The following TP53BP2 variants were observed in gnomAD, a reference collection of about 807,000 sequenced individuals.
TP53BP2 encodes apoptosis-stimulating of p53 protein 2.
Under a neutral mutation model 126.2 loss-of-function variants are expected in TP53BP2, and 62 were observed. The ratio of observed to expected loss-of-function variants is 0.49; its 90% CI spans 0.40 to 0.61. The LOEUF is 0.61. Among genes scored for constraint, TP53BP2 ranks in the 20% least tolerant of loss-of-function variants. The probability of loss-of-function intolerance (pLI) is 0.00; values close to 1 mark genes in which losing one functional copy is unlikely to be tolerated. For missense variants in TP53BP2, 1,215 were observed against 1,402.8 expected (o/e 0.87, Z 2.14); for synonymous variants, 485 against 502.9 (o/e 0.96, Z 0.48).
rs780705383 is a variant in TP53BP2, at chr1:223,802,122, T to C, written c.1219A>G (p.Thr407Ala). The change falls in exon 9 of 18, where the codon ACT (threonine) becomes GCT (alanine). Residue 407 changes from threonine (T) to alanine (A), a missense_variant. Around this residue, in one of 4 missense-constraint regions of TP53BP2, gnomAD observed 814 missense variants for 853.0 expected, o/e 0.95. Transcript: ENST00000343537. Reference protein sequence around the residue: ...PNMRSGAASQTKGSKIHPVGP... With the variant: ...PNMRSGAASQAKGSKIHPVGP... ...GCTGTGCAGGACTTTTTACCTTTAG[T>C]TTGTGAAGCAGCCCCAGATCTCATG... 8.1e-6 allele frequency: 13 copies of C among 1,613,970 alleles called. No homozygotes were observed. The Admixed American group carries it at 1.3e-4, about 17-fold the overall frequency.
Position 223,831,466 on chromosome 1 carries a change from T to TAAA in TP53BP2, c.28-10102_28-10100dup, listed in dbSNP as rs1157082703. 8.6e-3 allele frequency among the ~76,000 whole-genome samples: 373 copies of TAAA among 43,552 alleles called. 14 individuals carry two copies. Among genetic ancestry groups the TAAA allele is most frequent in the East Asian group, 0.015 (20 of 1,292 alleles). 28.6% of individuals were successfully genotyped at this position (43,552 alleles called of 152,430 possible). A position where few individuals can be genotyped will look rare whatever the true frequency, so the allele number is the denominator to read the frequency against. On this transcript the variant is annotated intron_variant, in intron 1 of 17. Transcript: ENST00000343537. ...CACATGCACACACATATGTACCATC[T>TAAA]AAAAAAAAAAAAAAATATATATATA...
chr1:223,805,884 T>C (rs1245482817), intron 5 of TP53BP2, among the ~76,000 whole-genome samples: 3 of 152,224 alleles, frequency 2.0e-5, no homozygotes, highest in Admixed American at 2.0e-4. Context: ...ACCTGAGTAG[T>C]TGCAACAGAG....
At chr1:223,792,787 C>T (rs115545451) in intron 14 of TP53BP2, among the ~76,000 whole-genome samples, 1,576 of 150,884 alleles carry the variant, frequency 0.01, 36 homozygotes, top group African/African-American at 0.037. Flanking sequence ...TCCTTATAGT[C>T]ATTTTTGTTT....
intron 3 of TP53BP2, among the ~76,000 whole-genome samples, chr1:223,811,945 T>C (rs1662921540): frequency 1.3e-5 from 2 of 151,440 alleles, no homozygotes; most frequent in Non-Finnish European, 2.9e-5. Context: ...ATTTATCCAG[T>C]ACTATACAGC....
Position 223,786,606 on chromosome 1 carries a change from GTA to G in TP53BP2, c.3164-2294_3164-2293del, listed in dbSNP as rs1553258007. 7.3e-3 allele frequency among the ~76,000 whole-genome samples: 1,092 copies of G among 150,286 alleles called. 16 individuals are homozygous for G. Among genetic ancestry groups the G allele is most frequent in the Middle Eastern group, 0.021 (6 of 290 alleles). On this transcript the variant is annotated intron_variant, in intron 16 of 17. Transcript: ENST00000343537. The stretch of plus-strand genomic sequence containing the variant: ...CGTGTGTGTGTGTGTGTGTGTGTGT[GTA>G]TATTTTTTTTTCCCCCGAGATGGAG...
At chr1:223,829,072 A>T (rs6658954) in intron 1 of TP53BP2, among the ~76,000 whole-genome samples, 14,506 of 152,148 alleles carry the variant, frequency 0.095, 758 homozygotes, top group African/African-American at 0.14. Flanking sequence ...CACACCTATA[A>T]TCCCAGCACT....
At chr1:223,839,633 AG>A (rs1664040715) in intron 1 of TP53BP2, among the ~76,000 whole-genome samples, 2 of 152,240 alleles carry the variant, frequency 1.3e-5, no homozygotes, top group African/African-American at 4.8e-5. Context: ...ATCTGTATCC[AG>A]AAAAACAACT....
At chr1:223,810,332 CT>C in intron 4 of TP53BP2, 98 bp downstream of exon 4, 1 of 863,966 alleles carries the variant, frequency 1.2e-6, no homozygotes, top group Non-Finnish European at 1.7e-6. Flanking sequence ...AGCGGCCATC[CT>C]TAGCCCATTG....
rs541485072 is a variant in TP53BP2 at position 223,789,297 on chromosome 1, A to G, written c.2997-123T>C. On this transcript the variant is annotated intron_variant, in intron 15 of 17. Coordinates refer to ENST00000343537, the MANE Select transcript of TP53BP2 (RefSeq NM_001031685.3). ...CCAAGTTTTCTTCTGAAAACCTCTT[A>G]AACAGTTTTTTAAAAACCAGTTCAA... 3 of 1,145,576 alleles carry G rather than the reference A, an allele frequency of 2.6e-6. No individual in the cohort carries two copies. In the Admixed American group the frequency reaches 7.6e-5, roughly 29 times the overall value. 71.0% of individuals were successfully genotyped at this position (1,145,576 alleles called of 1,614,324 possible). A position where few individuals can be genotyped will look rare whatever the true frequency, so the allele number is the denominator to read the frequency against.
intron 1 of TP53BP2, among the ~76,000 whole-genome samples, chr1:223,821,784 G>GT (rs1394849003): frequency 6.6e-6 from 1 of 152,190 alleles, no homozygotes; most frequent in Non-Finnish European, 1.5e-5. Context: ...ACGTAAGAAT[G>GT]TAACACGCTG....
intron 13 of TP53BP2, among the ~76,000 whole-genome samples, 162 bp from the exon 14 acceptor site, chr1:223,793,602 C>T (rs1236084330): frequency 1.3e-5 from 2 of 152,146 alleles, no homozygotes; most frequent in Non-Finnish European, 2.9e-5. Context: ...GAAAAGTATA[C>T]GAATCTGACA....
intron 10 of TP53BP2, 111 bp from the exon 11 acceptor site, chr1:223,800,158 C>A: frequency 2.2e-5 from 25 of 1,144,514 alleles, no homozygotes; most frequent in Non-Finnish European, 2.8e-5. Flanking sequence ...CCACAAAGCA[C>A]GTTCCTATTT....
intron 1 of TP53BP2, among the ~76,000 whole-genome samples, chr1:223,831,832 C>T (rs982597667): frequency 1.3e-5 from 2 of 149,962 alleles, no homozygotes; most frequent in Non-Finnish European, 3.0e-5. Context: ...TAATTCATGT[C>T]AGTCATATCT....
chr1:223,789,598 A>G (rs888380135), intron 15 of TP53BP2, among the ~76,000 whole-genome samples: 6 of 152,222 alleles, frequency 3.9e-5, no homozygotes, highest in African/African-American at 9.6e-5. Context: ...TGGCCTTTAA[A>G]TATCTATTTA....
At chr1:223,827,521 G>T (rs1366911571) in intron 1 of TP53BP2, among the ~76,000 whole-genome samples, 3 of 152,242 alleles carry the variant, frequency 2.0e-5, no homozygotes, top group Non-Finnish European at 4.4e-5. Context: ...GCACAGTACA[G>T]ACAACTAGTT....
chr1:223,800,271 T>C (rs1304133927), intron 10 of TP53BP2, among the ~76,000 whole-genome samples: 9 of 152,152 alleles, frequency 5.9e-5, no homozygotes, highest in Admixed American at 5.9e-4. Flanking sequence ...TTAAATATTG[T>C]CCCTATTGTT....
intron 1 of TP53BP2, among the ~76,000 whole-genome samples, chr1:223,827,974 A>G (rs918253569): frequency 6.6e-6 from 1 of 152,294 alleles, no homozygotes; most frequent in Admixed American, 6.5e-5. Flanking sequence ...TTTTCTGTCT[A>G]ATAAAAAAAT....
At chr1:223,810,942 C>T (rs190114457) in intron 3 of TP53BP2, among the ~76,000 whole-genome samples, 35 of 152,104 alleles carry the variant, frequency 2.3e-4, no homozygotes, top group Middle Eastern at 3.4e-3. Flanking sequence ...CTTGTACTCG[C>T]TAACAATATT....
intron 8 of TP53BP2, 176 bp downstream of exon 8, chr1:223,802,550 CACAGG>C: frequency 1.1e-6 from 1 of 870,642 alleles, no homozygotes; most frequent in Non-Finnish European, 1.7e-6. Context: ...AACAGAGCTA[CACAGG>C]TAATAACATT....
Sources: allele counts gnomAD v4.1 joint callset (sites outside exome capture counted in the v4.1 genomes callset), GRCh38; gene constraint gnomAD v4.1.1; regional missense constraint gnomAD v4.1.1; transcripts MANE v1.5; gene names NCBI Gene and HGNC (gene_info 2026-07-23, HGNC 2026-07-21).